The following RYR3 variants were observed in gnomAD, a reference collection of about 807,000 sequenced individuals.
RYR3 encodes the protein ryanodine receptor 3.
RYR3 carries 207 observed loss-of-function variants against 584.3 expected under a neutral mutation model. The ratio of observed to expected loss-of-function variants is 0.35; its 90% confidence interval spans 0.32 to 0.40. RYR3 has a LOEUF of 0.40. RYR3 is among the 10% of genes least tolerant of loss of function. RYR3 has a pLI of 1.00. For missense variants in RYR3, 5,616 were observed against 6,089.2 expected, an observed-to-expected ratio of 0.92 and a Z score of 2.59; for synonymous variants, 2,416 against 2,248.5, an observed-to-expected ratio of 1.07 and a Z score of -2.11.
chr15:33,364,424 G>T (rs1281612523), intron 1 of RYR3, among the ~76,000 whole-genome samples: 1 of 152,172 alleles, frequency 6.6e-6, no homozygotes, highest in Admixed American at 6.5e-5. Context: ...GAAGCCCTTT[G>T]CAGGGTCCTT....
At chr15:33,829,041 A>G (rs2077523804) in intron 85 of RYR3, among the ~76,000 whole-genome samples, 1 of 152,282 alleles carries the variant, frequency 6.6e-6, no homozygotes, top group Admixed American at 6.5e-5. Flanking sequence ...CAAAAATCCT[A>G]GGGCCCTTAA....
At chr15:33,486,538 C>A (rs2050440793) in intron 2 of RYR3, among the ~76,000 whole-genome samples, 1 of 152,064 alleles carries the variant, frequency 6.6e-6, no homozygotes, top group Non-Finnish European at 1.5e-5. Context: ...TTCAACATAT[C>A]TTTTGCGGGG....
chr15:33,640,655 G>A (rs1414733942), intron 27 of RYR3, among the ~76,000 whole-genome samples: 1 of 152,168 alleles, frequency 6.6e-6, no homozygotes, highest in African/African-American at 2.4e-5. Context: ...CAGAAAACCA[G>A]TATGAGGCCT....
At chr15:33,530,500 T>A in intron 3 of RYR3, 92 bp from the exon 4 acceptor site, 1 of 869,426 alleles carries the variant, frequency 1.2e-6, no homozygotes. Flanking sequence ...GGTCTTTTCC[T>A]GGTAGTCTGT....
intron 16 of RYR3, among the ~76,000 whole-genome samples, chr15:33,595,669 G>T (rs1299777925): frequency 3.3e-5 from 5 of 152,150 alleles, no homozygotes; most frequent in African/African-American, 1.2e-4. Context: ...CGGGCCTGAA[G>T]ATGAGCCTTC....
In RYR3 at chr15:33,319,159, A is replaced by G. The variant is rs149744025; in HGVS notation, c.51+8063A>G. On this transcript the variant is annotated intron_variant, in intron 1 of 103. Coordinates refer to ENST00000634891, the MANE Select transcript of RYR3 (RefSeq NM_001036.6). ...GAGAGCTAGTCAGCGGGACTACAGG[A>G]AGGAATGGAAAGTTCTCCATCAATG... is the stretch of plus-strand genomic sequence containing the variant. Among the ~76,000 whole-genome samples the G allele has an allele frequency of 7.1e-3, 1,079 of 152,312 alleles. 11 individuals are homozygous for G. The highest frequency in any genetic ancestry group is 0.025 in the African/African-American group (1,047 of 41,540).
rs763075734 is a variant in RYR3 at position 33,810,573 on chromosome 15, T to C, written c.10121T>C (p.Met3374Thr). The change falls in exon 71 of 104, where the codon ATG becomes ACG. Residue 3374 changes from methionine (M) to threonine (T), a missense_variant. Physicochemically the swap from Met to Thr is moderately conservative, Grantham distance 81. This residue lies in a region of RYR3 where 954 missense variants were observed against 1,132.2 expected (regional missense o/e 0.84). Coordinates refer to ENST00000634891, the MANE Select transcript of RYR3 (RefSeq NM_001036.6). ...TSLIVAALKK[M>T]LPIGLNMCTP... ...CTCATCGTGGCTGCACTCAAGAAAA[T>C]GCTGCCCATTGGTTTGAATATGTGT... is the stretch of plus-strand genomic sequence containing the variant. 1 of 1,613,918 alleles carries C rather than the reference T, an allele frequency of 6.2e-7. No individual in the cohort carries two copies. Among genetic ancestry groups the C allele is most frequent in the Admixed American group, 1.7e-5 (1 of 60,014 alleles).
intron 43 of RYR3, among the ~76,000 whole-genome samples, chr15:33,711,977 T>C (rs1176013206): frequency 6.6e-6 from 1 of 152,150 alleles, no homozygotes; most frequent in Non-Finnish European, 1.5e-5. Flanking sequence ...TGAAACTGGG[T>C]GATTTGTTAA....
Position 33,740,066 on chromosome 15 carries a change from G to A in RYR3, c.7820+71G>A, listed in dbSNP as rs12911737. 60,639 of 1,374,004 alleles carry A rather than the reference G, an allele frequency of 0.044. 1,596 individuals are homozygous for A. Among genetic ancestry groups the A allele is most frequent in the Middle Eastern group, 0.052 (286 of 5,488 alleles). 85.1% of individuals were successfully genotyped at this position (1,374,004 alleles called of 1,614,324 possible). A position where few individuals can be genotyped will look rare whatever the true frequency, so the allele number is the denominator to read the frequency against. ...AGCCAATGTTTTCTTCCAGAGGGTA[G>A]CAAGAAATGTGAGCTTTACCTCTTT... is the stretch of plus-strand genomic sequence containing the variant. On this transcript the variant is annotated intron_variant, in intron 51 of 103. Transcript: ENST00000634891.
At chr15:33,840,728 G>C in intron 89 of RYR3, 97 bp from the exon 90 acceptor site, 1 of 1,063,648 alleles carries the variant, frequency 9.4e-7, no homozygotes, top group Non-Finnish European at 1.4e-6. Context: ...AAAAGCCATT[G>C]AAATTTGTGA....
At position 33,743,519 on chromosome 15, in the gene RYR3, C is replaced by T. The variant is rs371562965; in HGVS notation, c.7899+1075C>T. On this transcript the variant is annotated intron_variant, in intron 52 of 103. Transcript: ENST00000634891. Reference sequence around the variant, plus strand: ...AAAAAAGGTGGCCAGCTAGATTTGGCTTAGGGGGCATAGCCAGGTGGCCCT... The same window carrying T: ...AAAAAAGGTGGCCAGCTAGATTTGGTTTAGGGGGCATAGCCAGGTGGCCCT... 2.0e-4 allele frequency among the ~76,000 whole-genome samples: 30 copies of T among 152,256 alleles called. No homozygotes were observed. The East Asian group carries it at 3.7e-3, about 19-fold the overall frequency.
chr15:33,433,911 C>G (rs1048108741), intron 1 of RYR3, among the ~76,000 whole-genome samples: 48 of 152,324 alleles, frequency 3.2e-4, no homozygotes, highest in Admixed American at 1.8e-3. Flanking sequence ...TCACTGGACA[C>G]AACTTTATCC....
In RYR3 at chr15:33,412,049, T is replaced by G. The variant is rs1175880574; in HGVS notation, c.52-61370T>G. Reference sequence around the variant, plus strand: ...GGTAATATCCAACTTAGGTTCCCAGTGTGTCAGCCACACCTGTTGCTGCCA... The same window carrying G: ...GGTAATATCCAACTTAGGTTCCCAGGGTGTCAGCCACACCTGTTGCTGCCA... On this transcript the variant is annotated intron_variant, in intron 1 of 103. Coordinates refer to ENST00000634891, the MANE Select transcript of RYR3 (RefSeq NM_001036.6). This position sits in a 1 kb window ranked among gnomAD's most constrained non-coding sequence, Gnocchi z 4.3. Among the ~76,000 whole-genome samples, 1 of 152,188 alleles carries G rather than the reference T, an allele frequency of 6.6e-6. No individual in the cohort carries two copies. The highest frequency in any genetic ancestry group is 2.4e-5 in the African/African-American group (1 of 41,452).
At chr15:33,834,903 T>C (rs748408005) in intron 86 of RYR3, 65 bp from the exon 87 acceptor site, 2 of 1,289,354 alleles carry the variant, frequency 1.6e-6, no homozygotes, top group African/African-American at 2.9e-5. Context: ...CAGATGCCCT[T>C]ACTAGACAGG....
chr15:33,434,268 T>G (rs1322939331), intron 1 of RYR3, among the ~76,000 whole-genome samples: 1 of 152,176 alleles, frequency 6.6e-6, no homozygotes, highest in Non-Finnish European at 1.5e-5. Flanking sequence ...ATCAGTTGTT[T>G]GTTGGTTGTT....
At chr15:33,664,332 G>C (rs2063347167) in intron 36 of RYR3, among the ~76,000 whole-genome samples, 1 of 151,810 alleles carries the variant, frequency 6.6e-6, no homozygotes, top group Non-Finnish European at 1.5e-5. Flanking sequence ...TACCCCGATG[G>C]GAAGGGCTTC....
Position 33,659,772 on chromosome 15 carries a change from C to A in RYR3, c.4361C>A (p.Thr1454Asn), listed in dbSNP as rs1350125042. 1 of 1,613,018 alleles carries A rather than the reference C, an allele frequency of 6.2e-7. No individual in the cohort carries two copies. The highest frequency in any genetic ancestry group is 2.2e-5 in the East Asian group (1 of 44,868). ...GCAGTCTTCCTGCAGCCTACAAGTA[C>A]TTCTTTGTTTCAGTTTGAACTTGGA... ...FPAVFLQPTSTSLFQFELGKL... is the reference protein window; with the variant it reads ...FPAVFLQPTSNSLFQFELGKL... Residue 1454 changes from threonine (T) to asparagine (N), a missense_variant, in exon 33 of 104, where the codon ACT becomes AAT. Coordinates refer to ENST00000634891, the MANE Select transcript of RYR3 (RefSeq NM_001036.6).
intron 18 of RYR3, among the ~76,000 whole-genome samples, chr15:33,603,828 C>T (rs1224140139): frequency 1.3e-5 from 2 of 152,262 alleles, no homozygotes; most frequent in African/African-American, 4.8e-5. Flanking sequence ...GACCTGACTA[C>T]AAGTCCATAA....
At chr15:33,451,555 C>G (rs1232304505) in intron 1 of RYR3, among the ~76,000 whole-genome samples, 1 of 152,034 alleles carries the variant, frequency 6.6e-6, no homozygotes, top group Non-Finnish European at 1.5e-5. Context: ...ATTATTAATG[C>G]GTCAGTGACG....
Sources: allele counts gnomAD v4.1 joint callset (sites outside exome capture counted in the v4.1 genomes callset), GRCh38; gene constraint gnomAD v4.1.1; regional missense constraint gnomAD v4.1.1; non-coding constraint Gnocchi (gnomAD v3.1); transcripts MANE v1.5; gene names NCBI Gene and HGNC (gene_info 2026-07-23, HGNC 2026-07-21).